PLA2G4E: variants seen among roughly 807,000 people sequenced by gnomAD.
PLA2G4E encodes the protein phospholipase A2 group IVE.
In PLA2G4E, 84 loss-of-function variants were observed where a neutral mutation model predicts 109.1. That is an observed-to-expected ratio of 0.77 (90% CI 0.65 to 0.92). The LOEUF is 0.92. Ranked by LOEUF, PLA2G4E falls within the 40% of genes least tolerant of loss-of-function variation. The pLI is 0.00. For missense variants in PLA2G4E, 1,057 were observed against 1,076.6 expected, an observed-to-expected ratio of 0.98 and a Z score of 0.25; for synonymous variants, 469 against 436.1, an observed-to-expected ratio of 1.08 and a Z score of -0.94.
At chr15:42,011,874 G>A (rs2068539459) in intron 2 of PLA2G4E, among the ~76,000 whole-genome samples, 1 of 152,212 alleles carries the variant, frequency 6.6e-6, no homozygotes, top group Non-Finnish European at 1.5e-5. Context: ...AGTGACCACC[G>A]TGGCATGGAC....
At chr15:41,995,805 G>C (rs2068329966) in intron 11 of PLA2G4E, among the ~76,000 whole-genome samples, 1 of 152,256 alleles carries the variant, frequency 6.6e-6, no homozygotes, top group South Asian at 2.1e-4. Flanking sequence ...TCGGTTAACA[G>C]GTGATAAAAC....
chr15:42,040,166 T>C (rs746171036), intron 1 of PLA2G4E, among the ~76,000 whole-genome samples: 6 of 151,802 alleles, frequency 4.0e-5, no homozygotes, highest in Non-Finnish European at 8.8e-5. Flanking sequence ...TGAGACCCCC[T>C]CCATCATTCT....
chr15:42,038,873 T>C (rs867504185), intron 1 of PLA2G4E, among the ~76,000 whole-genome samples: 2 of 152,298 alleles, frequency 1.3e-5, no homozygotes, highest in East Asian at 3.9e-4. Flanking sequence ...CCAAAGTAAT[T>C]GTTACTGATT....
At chr15:42,042,172 G>C (rs1399828348) in intron 1 of PLA2G4E, among the ~76,000 whole-genome samples, 2 of 152,130 alleles carry the variant, frequency 1.3e-5, no homozygotes, top group African/African-American at 4.8e-5. Flanking sequence ...CAAAAATCTG[G>C]TTTTTAATAG....
chr15:42,022,022 C>T (rs1174400266), intron 1 of PLA2G4E, among the ~76,000 whole-genome samples: 1 of 152,188 alleles, frequency 6.6e-6, no homozygotes, highest in Non-Finnish European at 1.5e-5. Context: ...CCTTGCCCTG[C>T]CCTCCCCTCC....
chr15:42,021,283 A>G (rs2068646220), intron 1 of PLA2G4E, among the ~76,000 whole-genome samples: 1 of 151,798 alleles, frequency 6.6e-6, no homozygotes, highest in African/African-American at 2.4e-5. Flanking sequence ...ACTCAGAATG[A>G]CCAGGCCTTC....
At chr15:42,010,351 A>G in intron 2 of PLA2G4E, 1 of 324,996 alleles carries the variant, frequency 3.1e-6, no homozygotes, top group Non-Finnish European at 6.2e-6. Context: ...AAAACTCAGT[A>G]TTTTTGGCCT....
intron 1 of PLA2G4E, among the ~76,000 whole-genome samples, chr15:42,019,154 A>G (rs1331352631): frequency 1.3e-5 from 2 of 152,126 alleles, no homozygotes; most frequent in Non-Finnish European, 2.9e-5. Flanking sequence ...CACTCCATCC[A>G]CCTGGCTCTC....
intron 6 of PLA2G4E, among the ~76,000 whole-genome samples, chr15:42,002,240 G>A (rs2141044036): frequency 6.9e-6 from 1 of 144,852 alleles, no homozygotes; most frequent in East Asian, 2.1e-4. Context: ...ACTCCAGCCT[G>A]GGCGACAGAG....
chr15:42,009,297 T>A (rs772662251), intron 2 of PLA2G4E, among the ~76,000 whole-genome samples: 2 of 152,200 alleles, frequency 1.3e-5, no homozygotes. Flanking sequence ...CATCCTTGAC[T>A]CTCACATTCA....
At chr15:42,031,396 T>C (rs1595576064) in intron 1 of PLA2G4E, among the ~76,000 whole-genome samples, 1 of 152,128 alleles carries the variant, frequency 6.6e-6, no homozygotes, top group Non-Finnish European at 1.5e-5. Context: ...AATGGCTGGG[T>C]CTGATTGATG....
intron 4 of PLA2G4E, 54 bp from the exon 5 acceptor site, chr15:42,005,032 G>A: frequency 5.0e-6 from 8 of 1,599,590 alleles, no homozygotes; most frequent in Non-Finnish European, 6.0e-6. Flanking sequence ...CATCTCTGCT[G>A]ACCAGAACCC....
At chr15:42,044,189 T>C (rs926437284) in intron 1 of PLA2G4E, among the ~76,000 whole-genome samples, 3 of 152,182 alleles carry the variant, frequency 2.0e-5, no homozygotes, top group Admixed American at 6.5e-5. Flanking sequence ...TCAACTGCGA[T>C]AAGAATCAGG....
At chr15:42,021,880 G>C (rs528415575) in intron 1 of PLA2G4E, among the ~76,000 whole-genome samples, 5 of 152,306 alleles carry the variant, frequency 3.3e-5, no homozygotes, top group African/African-American at 1.2e-4. Flanking sequence ...TTGAGGATGA[G>C]ATCTGAACAT....
At chr15:42,013,807 C>A in intron 1 of PLA2G4E, 50 bp from the exon 2 acceptor site, 1 of 1,477,300 alleles carries the variant, frequency 6.8e-7, no homozygotes, top group Non-Finnish European at 9.2e-7. Flanking sequence ...TACTCCAAGG[C>A]CATTGCCCCG....
intron 13 of PLA2G4E, among the ~76,000 whole-genome samples, chr15:41,991,502 T>C (rs1231051308): frequency 1.1e-5 from 1 of 89,814 alleles, no homozygotes; most frequent in Non-Finnish European, 2.1e-5. Flanking sequence ...GGTTAAGTGG[T>C]GGGTTATCAC....
chr15:41,989,619 C>T (rs375447928), intron 14 of PLA2G4E, 67 bp from the exon 15 acceptor site: 2 of 1,542,454 alleles, frequency 1.3e-6, no homozygotes, highest in Non-Finnish European at 1.8e-6. Flanking sequence ...GCCGGGCCCC[C>T]CTCCTGCCTG....
At position 42,003,878 on chromosome 15, in the gene PLA2G4E, T is replaced by TTTCCTTCCTTTC. The variant is rs67697235; in HGVS notation, c.566+1059_566+1060insGAAAGGAAGGAA. On this transcript the variant is annotated intron_variant, in intron 5 of 19. Coordinates refer to ENST00000399518, the Ensembl canonical transcript of PLA2G4E. ...CGGGGGTTGCCTTTCTTTCTTTCTTTCTTCCTTTCCTTCCTTTCCTTGCTT... is the reference window on the plus strand; with the variant it reads ...CGGGGGTTGCCTTTCTTTCTTTCTTTTTCCTTCCTTTCCTTCCTTTCCTTCCTTTCCTTGCTT... 1.8e-3 allele frequency among the ~76,000 whole-genome samples: 246 copies of TTTCCTTCCTTTC among 139,762 alleles called. 1 individual carries two copies. The highest frequency in any genetic ancestry group is 3.5e-3 in the Non-Finnish European group (218 of 62,278). The allele number at this position is 139,762 out of a possible 152,430, so 91.7% of individuals were successfully genotyped here.
intron 1 of PLA2G4E, among the ~76,000 whole-genome samples, chr15:42,018,755 G>C (rs1704376): frequency 0.86 from 130,164 of 152,132 alleles, 55,986 homozygotes; most frequent in South Asian, 0.95. Flanking sequence ...GTTGATCTTG[G>C]CAGGACTCCA....
Sources: allele counts gnomAD v4.1 joint callset (sites outside exome capture counted in the v4.1 genomes callset), GRCh38; gene constraint gnomAD v4.1.1; transcripts MANE v1.5; gene names NCBI Gene and HGNC (gene_info 2026-07-23, HGNC 2026-07-21).